Variants in DCLK1 observed in about 807,000 individuals in gnomAD.
DCLK1 encodes doublecortin like kinase 1, also known as serine/threonine-protein kinase DCLK1.
Under a neutral mutation model 86.2 loss-of-function variants are expected in DCLK1, and 16 were observed. The observed-to-expected ratio is 0.19, with a 90% CI of 0.13 to 0.28. The LOEUF (loss-of-function observed/expected upper bound fraction) is 0.28. DCLK1 is among the 10% of genes least tolerant of loss of function. The pLI is 1.00. For synonymous variants in DCLK1, 369 were observed against 370.5 expected, an observed-to-expected ratio of 1.00 and a Z score of 0.05; for missense variants, 590 against 940.2, an observed-to-expected ratio of 0.63 and a Z score of 4.87.
At chr13:35,846,750 G>C in intron 6 of DCLK1, 1 of 985,228 alleles carries the variant, frequency 1.0e-6, no homozygotes, top group African/African-American at 1.7e-5. Context: ...TGCTAGCAAG[G>C]TTAATGCAAA....
chr13:36,009,417 G>A, intron 3 of DCLK1, among the ~76,000 whole-genome samples: 1 of 47,946 alleles, frequency 2.1e-5, no homozygotes, highest in African/African-American at 9.4e-5. Flanking sequence ...TGTAAGGAAG[G>A]GATCCAGTTT....
intron 3 of DCLK1, among the ~76,000 whole-genome samples, chr13:35,954,887 T>C (rs913140300): frequency 1.3e-5 from 2 of 152,102 alleles, no homozygotes; most frequent in Non-Finnish European, 2.9e-5. Context: ...GGCTAGGAGA[T>C]AACACTCAAA....
chr13:36,012,222 T>C (rs1421123608), intron 3 of DCLK1, among the ~76,000 whole-genome samples: 2 of 141,064 alleles, frequency 1.4e-5, no homozygotes, highest in African/African-American at 5.4e-5. Context: ...ATTTAGTCCA[T>C]TTACATTTAA....
chr13:36,085,502 T>A (rs942496517), intron 3 of DCLK1, among the ~76,000 whole-genome samples: 1 of 152,232 alleles, frequency 6.6e-6, no homozygotes, highest in Non-Finnish European at 1.5e-5. Flanking sequence ...TCTGTGCCAC[T>A]GTCCCCAAAG....
chr13:35,834,277 A>C (rs543832405), intron 8 of DCLK1, among the ~76,000 whole-genome samples: 30 of 152,346 alleles, frequency 2.0e-4, no homozygotes, highest in African/African-American at 7.0e-4. Flanking sequence ...GCTTCTATCC[A>C]TTACCATAGG....
At chr13:35,872,705 A>G (rs1346473031) in intron 4 of DCLK1, among the ~76,000 whole-genome samples, 2 of 151,960 alleles carry the variant, frequency 1.3e-5, no homozygotes, top group Non-Finnish European at 2.9e-5. Context: ...AAAAATAGCA[A>G]TAGCTATTTG....
chr13:35,774,581 G>GAGT lies in DCLK1; in HGVS notation c.2174_2176dup (p.Tyr725dup), dbSNP rs1566524615. The GAGT allele has an allele frequency of 4.5e-6, 7 of 1,571,560 alleles. No individual in the cohort carries two copies. Reference sequence around the variant, plus strand: ...GCGAACAGTCTCGGAGGAGCTTGGGGAGTAGTCTTCCGATTCCGAGTTGAG... The same window carrying GAGT: ...GCGAACAGTCTCGGAGGAGCTTGGGGAGTAGTAGTCTTCCGATTCCGAGTTGAG... On this transcript the variant is annotated inframe_insertion, in exon 17 of 17. Transcript: ENST00000360631.
chr13:35,848,361 TAA>T (rs1870365385), intron 6 of DCLK1: 2 of 984,944 alleles, frequency 2.0e-6, no homozygotes, highest in African/African-American at 3.5e-5. Context: ...ATGTTTTGCA[TAA>T]AAAGAGATCT....
intron 6 of DCLK1, chr13:35,845,868 A>G (rs1249768339): frequency 1.0e-6 from 1 of 960,546 alleles, no homozygotes; most frequent in African/African-American, 1.8e-5. Context: ...CTACTTATCA[A>G]ATTTTCTGAA....
intron 4 of DCLK1, among the ~76,000 whole-genome samples, chr13:35,889,192 C>A (rs1041077816): frequency 1.3e-5 from 2 of 152,166 alleles, no homozygotes; most frequent in Admixed American, 1.3e-4. Flanking sequence ...CAGCAGGATT[C>A]TCCTGAGGTC....
intron 4 of DCLK1, among the ~76,000 whole-genome samples, chr13:35,889,415 G>A (rs989686684): frequency 6.6e-6 from 1 of 152,088 alleles, no homozygotes; most frequent in Non-Finnish European, 1.5e-5. Flanking sequence ...TAGGAGTTAG[G>A]GGCTCTCCCT....
chr13:36,022,123 T>A (rs1881810918), intron 3 of DCLK1, among the ~76,000 whole-genome samples: 1 of 151,926 alleles, frequency 6.6e-6, no homozygotes, highest in Admixed American at 6.6e-5. Context: ...ATAAAGGAAA[T>A]TTGAGAAATT....
chr13:36,044,076 C>T (rs1882789302), intron 3 of DCLK1, among the ~76,000 whole-genome samples: 2 of 152,244 alleles, frequency 1.3e-5, no homozygotes, highest in African/African-American at 2.4e-5. Context: ...GCCCTCCCTG[C>T]AGTAATGAGT....
intron 15 of DCLK1, among the ~76,000 whole-genome samples, chr13:35,799,318 C>A (rs913041774): frequency 1.3e-5 from 2 of 152,120 alleles, no homozygotes; most frequent in Non-Finnish European, 2.9e-5. Context: ...ATGGCACGAT[C>A]TTGGCTCACC....
At position 36,084,301 on chromosome 13, in the gene DCLK1, C is replaced by G. The variant is rs114020396; in HGVS notation, c.723+27568G>C. Among the ~76,000 whole-genome samples, 1,419 of 152,252 alleles carry G rather than the reference C, an allele frequency of 9.3e-3. 16 individuals carry two copies. Among genetic ancestry groups the G allele is most frequent in the African/African-American group, 0.032 (1,341 of 41,546 alleles). ...CCTTATCCCCAGACAGTTCATGATT[C>G]TTGGTTTTAGAAACTGGACCACAGG... On this transcript the variant is annotated intron_variant, in intron 3 of 16. Transcript: ENST00000360631.
intron 3 of DCLK1, among the ~76,000 whole-genome samples, chr13:35,965,774 C>G (rs1333289589): frequency 6.6e-6 from 1 of 152,152 alleles, no homozygotes; most frequent in Non-Finnish European, 1.5e-5. Flanking sequence ...CTTGTATTCT[C>G]TCACTCTCTC....
At chr13:35,858,173 G>T (rs1421356592) in intron 5 of DCLK1, among the ~76,000 whole-genome samples, 1 of 152,088 alleles carries the variant, frequency 6.6e-6, no homozygotes, top group East Asian at 1.9e-4. Context: ...CACATTTAAG[G>T]GTCCTATGGT....
At chr13:35,810,771 C>A (rs1272079652) in intron 12 of DCLK1, 64 bp downstream of exon 12, 4 of 1,580,876 alleles carry the variant, frequency 2.5e-6, no homozygotes, top group Admixed American at 1.8e-5. Flanking sequence ...TACTATTTTT[C>A]CTATTCTCGA....
chr13:35,958,103 AACCACCATCACC>A (rs1878155315), intron 3 of DCLK1, among the ~76,000 whole-genome samples: 2 of 476 alleles, frequency 4.2e-3, no homozygotes, highest in African/African-American at 6.0e-3. Flanking sequence ...CCACCGCTAT[AACCACCATCACC>A]ACCACCACTA....
Sources: gnomAD v4.1 joint callset for allele counts (sites outside exome capture counted in the v4.1 genomes callset) on GRCh38, gnomAD v4.1.1 for gene constraint, MANE v1.5 for transcripts, NCBI Gene and HGNC (gene_info 2026-07-23, HGNC 2026-07-21) for gene names.